NAV1: variants seen among roughly 807,000 people sequenced by gnomAD.
NAV1 encodes pore membrane and/or filament interacting like protein 3.
NAV1 carries 18 observed loss-of-function variants against 175.2 expected under a neutral mutation model. The observed-to-expected ratio is 0.10, with a 90% CI of 0.07 to 0.15. The LOEUF is 0.15. NAV1 is among the 10% of genes least tolerant of loss of function. The pLI is 1.00. For missense variants in NAV1, 1,731 were observed against 2,436.6 expected (o/e 0.71, Z 6.10); for synonymous variants, 897 against 978.7 (o/e 0.92, Z 1.56).
chr1:201,714,610 G>C (rs1238197760), intron 2 of NAV1, among the ~76,000 whole-genome samples: 2 of 152,138 alleles, frequency 1.3e-5, no homozygotes, highest in African/African-American at 4.8e-5. Flanking sequence ...CCCAGCAGGA[G>C]CCCAAGTGAA....
At chr1:201,794,398 C>T (rs1265560171) in intron 14 of NAV1, 68 bp from the exon 19 acceptor site, 2 of 1,458,742 alleles carry the variant, frequency 1.4e-6, no homozygotes, top group Non-Finnish European at 1.9e-6. Context: ...ACCTCGGCCT[C>T]CCAAAGTGCT....
intron 3 of NAV1, among the ~76,000 whole-genome samples, chr1:201,770,934 G>A (rs1365249276): frequency 6.6e-6 from 1 of 152,070 alleles, no homozygotes; most frequent in Non-Finnish European, 1.5e-5. Flanking sequence ...ACAGTACAGT[G>A]GAACCTGAGA....
At chr1:201,783,521 G>A in exon 7 of NAV1, 1 of 1,614,168 alleles carries the variant, frequency 6.2e-7, no homozygotes, top group Non-Finnish European at 8.5e-7. Flanking sequence ...AAAGGTCCCA[G>A]ATCTGCATGC....
intron 1 of NAV1, among the ~76,000 whole-genome samples, chr1:201,710,872 C>A (rs983781784): frequency 1.3e-5 from 2 of 152,202 alleles, no homozygotes; most frequent in African/African-American, 4.8e-5. Context: ...CTCTTGATCA[C>A]CTTCCTCTTT....
At chr1:201,601,835 G>A (rs1318860980) in intron 2 of NAV1, among the ~76,000 whole-genome samples, 1 of 152,152 alleles carries the variant, frequency 6.6e-6, no homozygotes, top group East Asian at 1.9e-4. Context: ...TAAAAGAGTT[G>A]AACTTGAAGC....
chr1:201,780,198 G>A (rs958637494), intron 3 of NAV1, among the ~76,000 whole-genome samples: 1 of 152,166 alleles, frequency 6.6e-6, no homozygotes, highest in African/African-American at 2.4e-5. Flanking sequence ...TCTCTTGCCA[G>A]ATAAAGGCAG....
At chr1:201,663,637 C>T (rs1479778003) in intron 1 of NAV1, among the ~76,000 whole-genome samples, 1 of 152,192 alleles carries the variant, frequency 6.6e-6, no homozygotes, top group East Asian at 1.9e-4. Context: ...GCTGGGAGGA[C>T]ATCTGGGGAG....
intron 3 of NAV1, among the ~76,000 whole-genome samples, chr1:201,739,057 C>T (rs567804125): frequency 5.3e-5 from 8 of 152,162 alleles, no homozygotes; most frequent in African/African-American, 1.7e-4. Flanking sequence ...CAGGAGGACC[C>T]TCAGGGGGGA....
At chr1:201,549,870 G>A (rs1361144853) in intron 1 of NAV1, among the ~76,000 whole-genome samples, 5 of 151,488 alleles carry the variant, frequency 3.3e-5, no homozygotes, top group African/African-American at 1.2e-4. Context: ...AATTAGCCGG[G>A]TGTGGTGGTG....
In NAV1 at chr1:201,539,895, C is replaced by T. The variant is rs935142857; in HGVS notation, c.-144+553C>T. On this transcript the variant is annotated intron_variant, in intron 1 of 33. Coordinates refer to the NAV1 transcript ENST00000685211. This position sits in a 1 kb window ranked among gnomAD's most constrained non-coding sequence, Gnocchi z 5.6. The stretch of plus-strand genomic sequence containing the variant: ...CCGGGATGCGCCGGGAAGCGCCCTC[C>T]CGCCAATCTCCCGGAGGCCGTCCTC... 1.3e-5 allele frequency among the ~76,000 whole-genome samples: 2 copies of T among 152,172 alleles called. No homozygotes were observed. Among genetic ancestry groups the T allele is most frequent in the African/African-American group, 4.8e-5 (2 of 41,460 alleles).
intron 3 of NAV1, among the ~76,000 whole-genome samples, chr1:201,777,893 C>T (rs1676062529): frequency 6.6e-6 from 1 of 151,952 alleles, no homozygotes; most frequent in Admixed American, 6.6e-5. Flanking sequence ...TGAGATTATG[C>T]CACTGCCTTC....
chr1:201,576,623 T>C (rs1666698217), intron 1 of NAV1, among the ~76,000 whole-genome samples: 2 of 152,202 alleles, frequency 1.3e-5, no homozygotes, highest in South Asian at 4.1e-4. Context: ...GAGGTTTTTG[T>C]GTGAACATAA....
chr1:201,603,012 C>T (rs1667569120), intron 2 of NAV1, among the ~76,000 whole-genome samples: 1 of 152,134 alleles, frequency 6.6e-6, no homozygotes, highest in Admixed American at 6.5e-5. Flanking sequence ...GACAGTGAGA[C>T]AGCTGAATTA....
exon 1 of NAV1, chr1:201,648,339 A>G (rs1311129640): frequency 8.9e-7 from 1 of 1,129,304 alleles, no homozygotes; most frequent in African/African-American, 1.6e-5. Flanking sequence ...CGGGGCTTCC[A>G]TCCTTCCTTT....
intron 2 of NAV1, 126 bp downstream of exon 6, chr1:201,713,045 G>A: frequency 3.0e-6 from 2 of 659,190 alleles, no homozygotes; most frequent in Admixed American, 4.9e-5. Flanking sequence ...GATGCGTGGA[G>A]CCACTGCAGA....
chr1:201,665,708 T>C (rs2102366063), intron 1 of NAV1, among the ~76,000 whole-genome samples: 1 of 151,850 alleles, frequency 6.6e-6, no homozygotes, highest in African/African-American at 2.4e-5. Flanking sequence ...GCTCCTTTAC[T>C]GCAGACACAC....
intron 2 of NAV1, among the ~76,000 whole-genome samples, chr1:201,634,260 G>A (rs2102302259): frequency 6.6e-6 from 1 of 152,346 alleles, no homozygotes; most frequent in East Asian, 1.9e-4. Context: ...TGATACATAA[G>A]AACTGCTCAA....
chr1:201,794,095 C>G, intron 14 of NAV1: 1 of 690,924 alleles, frequency 1.4e-6, no homozygotes, highest in Non-Finnish European at 2.6e-6. Context: ...TCCAATGCCT[C>G]GCCCATTGCC....
intron 2 of NAV1, among the ~76,000 whole-genome samples, chr1:201,610,404 G>A (rs1667812059): frequency 6.6e-6 from 1 of 152,216 alleles, no homozygotes; most frequent in African/African-American, 2.4e-5. Context: ...GTCAGAGGTT[G>A]TGAGAAACAA....
Sources: gnomAD v4.1 joint callset for allele counts (sites outside exome capture counted in the v4.1 genomes callset) on GRCh38, gnomAD v4.1.1 for gene constraint, Gnocchi (gnomAD v3.1) non-coding constraint, MANE v1.5 for transcripts, NCBI Gene and HGNC (gene_info 2026-07-23, HGNC 2026-07-21) for gene names.